C2orf76: variants seen among roughly 807,000 people sequenced by gnomAD.
C2orf76 encodes the protein chromosome 2 open reading frame 76, also known as UPF0538 protein C2orf76.
Under a neutral mutation model 16.9 loss-of-function variants are expected in C2orf76, and 23 were observed. The ratio of observed to expected loss-of-function variants is 1.36; its 90% CI spans 0.98 to 1.93. The LOEUF (loss-of-function observed/expected upper bound fraction) is 1.93. Ranked by LOEUF, C2orf76 falls within the 30% of genes most tolerant of loss-of-function variation. C2orf76 has a pLI of 0.00. For missense variants in C2orf76, 152 were observed against 152.6 expected (o/e 1.00, Z 0.02); for synonymous variants, 48 against 52.3 (o/e 0.92, Z 0.35).
the C2orf76 span, among the ~76,000 whole-genome samples, chr2:119,290,087 T>C: frequency 6.6e-6 from 1 of 151,904 alleles, no homozygotes; most frequent in African/African-American, 2.4e-5. Context: ...AAGTAATTCC[T>C]GCGTCCCTGC....
intron 2 of C2orf76, among the ~76,000 whole-genome samples, chr2:119,328,174 T>C (rs533042918): frequency 7.9e-5 from 12 of 152,304 alleles, no homozygotes; most frequent in South Asian, 4.1e-4. Context: ...ATCCTTCTTC[T>C]GGAAGAATCT....
chr2:119,311,412 G>A (rs1343113218), intron 5 of C2orf76: 1 of 985,306 alleles, frequency 1.0e-6, no homozygotes, highest in Admixed American at 6.2e-5. Flanking sequence ...TTTGCATTCT[G>A]CATATTTGGA....
intron 2 of C2orf76, among the ~76,000 whole-genome samples, chr2:119,326,437 C>T (rs1679512113): frequency 6.6e-6 from 1 of 152,200 alleles, no homozygotes; most frequent in South Asian, 2.1e-4. Flanking sequence ...ACACCAGTAT[C>T]ACATATGCAG....
chr2:119,320,887 C>A (rs546967192), intron 3 of C2orf76, among the ~76,000 whole-genome samples: 1 of 152,144 alleles, frequency 6.6e-6, no homozygotes, highest in African/African-American at 2.4e-5. Context: ...AATTCTTAGT[C>A]TTCAATCATT....
chr2:119,285,478 G>A, the C2orf76 span, among the ~76,000 whole-genome samples: 2 of 152,162 alleles, frequency 1.3e-5, no homozygotes, highest in Non-Finnish European at 2.9e-5. Flanking sequence ...GATCTGTCCC[G>A]TTTCCCTGTT....
At chr2:119,337,738 C>G (rs961579470) in intron 2 of C2orf76, among the ~76,000 whole-genome samples, 1 of 152,148 alleles carries the variant, frequency 6.6e-6, no homozygotes, top group African/African-American at 2.4e-5. Context: ...TCCCTAAGTG[C>G]ACAATTGAAA....
At chr2:119,351,342 C>T (rs1680397154) in intron 1 of C2orf76, among the ~76,000 whole-genome samples, 1 of 152,056 alleles carries the variant, frequency 6.6e-6, no homozygotes, top group African/African-American at 2.4e-5. Flanking sequence ...CTGCGCTATG[C>T]TTGGGGGACA....
chr2:119,328,961 T>G (rs1011540594), intron 2 of C2orf76, among the ~76,000 whole-genome samples: 1 of 152,238 alleles, frequency 6.6e-6, no homozygotes, highest in Non-Finnish European at 1.5e-5. Flanking sequence ...ACTGTCTAAT[T>G]TGAATCCTTT....
At chr2:119,292,630 CTA>C in the C2orf76 span, among the ~76,000 whole-genome samples, 1 of 152,170 alleles carries the variant, frequency 6.6e-6, no homozygotes, top group Non-Finnish European at 1.5e-5. Flanking sequence ...ATCTGGATGA[CTA>C]ATTTCAACTA....
intron 5 of C2orf76, among the ~76,000 whole-genome samples, chr2:119,307,750 C>T (rs1348657447): frequency 6.6e-6 from 1 of 152,088 alleles, no homozygotes; most frequent in Non-Finnish European, 1.5e-5. Context: ...GATCCAGGAC[C>T]AATAGCCTTA....
chr2:119,304,455 T>G (rs930876326), intron 5 of C2orf76, among the ~76,000 whole-genome samples: 2 of 152,254 alleles, frequency 1.3e-5, no homozygotes, highest in Non-Finnish European at 2.9e-5. Context: ...CAAGGAGTTC[T>G]GTTTTGACAC....
intron 5 of C2orf76, among the ~76,000 whole-genome samples, chr2:119,305,922 G>A (rs1200964840): frequency 5.1e-5 from 6 of 117,640 alleles, no homozygotes; most frequent in Non-Finnish European, 7.2e-5. Flanking sequence ...AAAACAACTA[G>A]CCAAAAAAAA....
chr2:119,282,147 A>G, the C2orf76 span, among the ~76,000 whole-genome samples: 1 of 138,286 alleles, frequency 7.2e-6, no homozygotes, highest in Non-Finnish European at 1.6e-5. Flanking sequence ...CTCCGTCTCA[A>G]AGAAAAAAAA....
At chr2:119,291,131 TC>T in the C2orf76 span, among the ~76,000 whole-genome samples, 1 of 151,996 alleles carries the variant, frequency 6.6e-6, no homozygotes, top group African/African-American at 2.4e-5. Context: ...CCTGGACTTC[TC>T]CGCGTAACGA....
intron 1 of C2orf76, among the ~76,000 whole-genome samples, chr2:119,358,577 CA>C (rs58374459): frequency 0.37 from 32,329 of 88,296 alleles, 3,117 homozygotes; most frequent in African/African-American, 0.46. Context: ...GACTCTGTCT[CA>C]AAAAAAAAAA....
rs560920944 is a variant in C2orf76 at position 119,336,148 on chromosome 2, A to G, written c.133+3679T>C. The stretch of plus-strand genomic sequence containing the variant: ...AGTGACTCACACCTGTAATCCCAGC[A>G]CTTTGGGAGGCTGAGGCAGGCGGAT... On this transcript the variant is annotated intron_variant, in intron 2 of 5. Transcript: ENST00000334816. Among the ~76,000 whole-genome samples, 3 of 152,174 alleles carry G rather than the reference A, an allele frequency of 2.0e-5. No homozygotes were observed. In the East Asian group the frequency reaches 5.8e-4, roughly 29 times the overall value.
chr2:119,347,664 G>C (rs1680248240), intron 1 of C2orf76, among the ~76,000 whole-genome samples: 1 of 152,050 alleles, frequency 6.6e-6, no homozygotes, highest in African/African-American at 2.4e-5. Context: ...TTAAGCGCAG[G>C]AGTTCAAGAC....
downstream of C2orf76, among the ~76,000 whole-genome samples, chr2:119,299,692 A>T (rs1678587552): frequency 2.0e-5 from 3 of 152,134 alleles, no homozygotes; most frequent in South Asian, 6.2e-4. Flanking sequence ...AAAATACTCT[A>T]TATGTACCTT....
At chr2:119,325,345 A>C (rs1229689952) in intron 2 of C2orf76, among the ~76,000 whole-genome samples, 1 of 151,208 alleles carries the variant, frequency 6.6e-6, no homozygotes, top group Non-Finnish European at 1.5e-5. Context: ...CTGTATTCCC[A>C]GCTACTCAGG....
Sources: gnomAD v4.1 joint callset for allele counts (sites outside exome capture counted in the v4.1 genomes callset) on GRCh38, gnomAD v4.1.1 for gene constraint, MANE v1.5 for transcripts, NCBI Gene and HGNC (gene_info 2026-07-23, HGNC 2026-07-21) for gene names.